The following PRKN variants were observed in gnomAD, a reference collection of about 807,000 sequenced individuals.
PRKN encodes E3 ubiquitin-protein ligase parkin.
A neutral mutation model predicts 59.5 loss-of-function variants in PRKN; 56 were observed. The observed-to-expected ratio is 0.94, with a 90% confidence interval of 0.76 to 1.18. The LOEUF is 1.18. PRKN is among the 50% of genes most tolerant of loss of function. The probability of loss-of-function intolerance (pLI) is 0.00; values close to 1 mark genes in which losing one functional copy is unlikely to be tolerated. For synonymous variants in PRKN, 250 were observed against 222.1 expected (o/e 1.13, Z -1.12); for missense variants, 657 against 596.4 (o/e 1.10, Z -1.06).
intron 7 of PRKN, among the ~76,000 whole-genome samples, chr6:161,783,955 T>C (rs1790313257): frequency 6.6e-6 from 1 of 152,208 alleles, no homozygotes; most frequent in Non-Finnish European, 1.5e-5. Flanking sequence ...CATTTGGAGG[T>C]ATATTTTTCA....
chr6:162,428,736 A>C (rs1299116597), intron 2 of PRKN, among the ~76,000 whole-genome samples: 1 of 152,134 alleles, frequency 6.6e-6, no homozygotes, highest in African/African-American at 2.4e-5. Flanking sequence ...AACGTCTAGT[A>C]CCCTAGCGAA....
At chr6:162,246,491 A>T (rs556456324) in intron 3 of PRKN, among the ~76,000 whole-genome samples, 9 of 152,208 alleles carry the variant, frequency 5.9e-5, no homozygotes, top group Non-Finnish European at 1.0e-4. Context: ...CACAGAAAAT[A>T]AAGCAAACTC....
intron 4 of PRKN, among the ~76,000 whole-genome samples, chr6:162,100,617 T>C (rs1779927623): frequency 6.6e-6 from 1 of 152,064 alleles, no homozygotes; most frequent in Non-Finnish European, 1.5e-5. Context: ...AACTTTTGTA[T>C]TTTTAGTACA....
At chr6:161,953,739 T>C (rs1353715895) in intron 6 of PRKN, among the ~76,000 whole-genome samples, 1 of 152,144 alleles carries the variant, frequency 6.6e-6, no homozygotes, top group African/African-American at 2.4e-5. Context: ...TACACACACA[T>C]GTACATTCCG....
chr6:162,001,933 T>A (rs1782075898), intron 5 of PRKN, among the ~76,000 whole-genome samples: 1 of 151,664 alleles, frequency 6.6e-6, no homozygotes, highest in South Asian at 2.1e-4. Context: ...GGTCATTTGA[T>A]CTTTCTTCTT....
At position 161,463,793 on chromosome 6, in the gene PRKN, T is replaced by G. The variant is rs536260731; in HGVS notation, c.1084-76916A>C. 6.6e-5 allele frequency among the ~76,000 whole-genome samples: 10 copies of G among 152,310 alleles called. 1 individual carries two copies. In the South Asian group the frequency reaches 1.2e-3, roughly 19 times the overall value. On this transcript the variant is annotated intron_variant, in intron 9 of 11. Transcript: ENST00000366898. The surrounding 1 kb of genome is among the most constrained non-coding windows in gnomAD (Gnocchi z 4.8). The stretch of plus-strand genomic sequence containing the variant: ...TGGAAGTATAATCTTTATCTAGTGA[T>G]CACTTTTCCAACATTTCCATCCAAA...
intron 4 of PRKN, among the ~76,000 whole-genome samples, chr6:162,171,593 G>C (rs963437654): frequency 6.6e-6 from 1 of 152,058 alleles, no homozygotes; most frequent in South Asian, 2.1e-4. Context: ...TAAAAAATCA[G>C]GGTCTTTTAG....
At chr6:162,488,804 C>T (rs907435958) in intron 1 of PRKN, among the ~76,000 whole-genome samples, 5 of 152,168 alleles carry the variant, frequency 3.3e-5, no homozygotes, top group African/African-American at 1.2e-4. Context: ...GGCTCTTGGG[C>T]ATTAGGAATC....
chr6:162,371,662 T>C (rs528277745), intron 2 of PRKN, among the ~76,000 whole-genome samples: 1 of 152,352 alleles, frequency 6.6e-6, no homozygotes, highest in South Asian at 2.1e-4. Flanking sequence ...GATTATTATT[T>C]ATGGCATCCA....
rs1461848722 is a variant in PRKN, at chr6:162,274,804, A to G, written c.172-12039T>C. On this transcript the variant is annotated intron_variant, in intron 2 of 11. Coordinates refer to ENST00000366898, the MANE Select transcript of PRKN (RefSeq NM_004562.3). ...TATAGAAAATTTTATATTTGTGGCC[A>G]GGCACAGTGGCTCACGCCTGTAATC... is the stretch of plus-strand genomic sequence containing the variant. Among the ~76,000 whole-genome samples, 3 of 152,230 alleles carry G rather than the reference A, an allele frequency of 2.0e-5. No individual in the cohort carries two copies. In the South Asian group the frequency reaches 6.2e-4, roughly 32 times the overall value.
intron 1 of PRKN, among the ~76,000 whole-genome samples, chr6:162,610,627 C>T (rs2128218715): frequency 6.6e-6 from 1 of 151,834 alleles, no homozygotes; most frequent in South Asian, 2.1e-4. Flanking sequence ...ATTTGATGCC[C>T]TCACAAAAAG....
chr6:162,587,206 G>T (rs1350136400), intron 1 of PRKN, among the ~76,000 whole-genome samples: 1 of 152,034 alleles, frequency 6.6e-6, no homozygotes, highest in Non-Finnish European at 1.5e-5. Flanking sequence ...GCGCAATCTC[G>T]GCTCATTCAA....
At chr6:162,227,147 TC>T (rs1448010332) in intron 3 of PRKN, among the ~76,000 whole-genome samples, 1 of 152,206 alleles carries the variant, frequency 6.6e-6, no homozygotes, top group Non-Finnish European at 1.5e-5. Flanking sequence ...CATACAGTCT[TC>T]CGCATATGTA....
intron 1 of PRKN, among the ~76,000 whole-genome samples, chr6:162,688,571 C>T (rs568548146): frequency 3.3e-5 from 5 of 152,230 alleles, no homozygotes; most frequent in African/African-American, 1.2e-4. Context: ...TTAACTGTTA[C>T]TTTAGTGAGT....
At chr6:162,403,114 G>T (rs961073486) in intron 2 of PRKN, among the ~76,000 whole-genome samples, 12 of 152,056 alleles carry the variant, frequency 7.9e-5, no homozygotes, top group African/African-American at 2.9e-4. Flanking sequence ...AACATAACTG[G>T]CCAACTTCTT....
intron 5 of PRKN, among the ~76,000 whole-genome samples, chr6:162,009,122 G>A (rs1782379429): frequency 6.6e-6 from 1 of 151,782 alleles, no homozygotes; most frequent in Non-Finnish European, 1.5e-5. Context: ...GTGTGGTGGT[G>A]TGACCCTGTA....
chr6:162,432,964 A>G lies in PRKN; in HGVS notation c.171+10346T>C, dbSNP rs114178338. 2.8e-3 allele frequency among the ~76,000 whole-genome samples: 425 copies of G among 152,302 alleles called. 2 individuals are homozygous for G. Among genetic ancestry groups the G allele is most frequent in the African/African-American group, 9.8e-3 (408 of 41,566 alleles). On this transcript the variant is annotated intron_variant, in intron 2 of 11. Coordinates refer to ENST00000366898, the MANE Select transcript of PRKN (RefSeq NM_004562.3). ...TAGAATATAGTATTTTCTTAAGATA[A>G]CTGTTTAGACTTAACTCAAAGGAGT... is the stretch of plus-strand genomic sequence containing the variant.
At chr6:162,473,953 TG>T (rs1791883857) in intron 1 of PRKN, among the ~76,000 whole-genome samples, 1 of 152,204 alleles carries the variant, frequency 6.6e-6, no homozygotes, top group Non-Finnish European at 1.5e-5. Context: ...TAAAAATAAC[TG>T]ATTTCCCACC....
At chr6:162,329,316 G>C (rs1351430853) in intron 2 of PRKN, among the ~76,000 whole-genome samples, 1 of 152,154 alleles carries the variant, frequency 6.6e-6, no homozygotes, top group Admixed American at 6.5e-5. Flanking sequence ...GACGTGGAAG[G>C]TGGTAGCTCC....
Sources: allele counts gnomAD v4.1 joint callset (sites outside exome capture counted in the v4.1 genomes callset), GRCh38; gene constraint gnomAD v4.1.1; non-coding constraint Gnocchi (gnomAD v3.1); transcripts MANE v1.5; gene names NCBI Gene and HGNC (gene_info 2026-07-23, HGNC 2026-07-21).